The following GULP1 variants were observed in gnomAD, a reference collection of about 807,000 sequenced individuals.
GULP1 encodes PTB domain-containing engulfment adapter protein 1.
In GULP1, 19 loss-of-function variants were observed where a neutral mutation model predicts 40.9. The observed-to-expected ratio is 0.46, with a 90% CI of 0.32 to 0.68. GULP1 has a LOEUF of 0.68. Among genes scored for constraint, GULP1 ranks in the 30% least tolerant of loss-of-function variants. GULP1 has a pLI of 0.03. For synonymous variants in GULP1, 119 were observed against 117.6 expected, an observed-to-expected ratio of 1.01 and a Z score of -0.08; for missense variants, 312 against 362.2, an observed-to-expected ratio of 0.86 and a Z score of 1.12.
chr2:188,530,790 T>C (rs922119114), intron 6 of GULP1, among the ~76,000 whole-genome samples: 1 of 152,166 alleles, frequency 6.6e-6, no homozygotes, highest in Non-Finnish European at 1.5e-5. Context: ...ACAAACACAG[T>C]ACTTTATTCA....
At chr2:188,507,116 G>GA (rs2063992860) in intron 4 of GULP1, among the ~76,000 whole-genome samples, 1 of 151,922 alleles carries the variant, frequency 6.6e-6, no homozygotes, top group Non-Finnish European at 1.5e-5. Context: ...ATTGACAGAT[G>GA]GGGTTCTAGT....
chr2:188,502,447 C>G (rs904141772), intron 4 of GULP1, among the ~76,000 whole-genome samples: 1 of 151,830 alleles, frequency 6.6e-6, no homozygotes, highest in African/African-American at 2.4e-5. Context: ...CATTTTCCCT[C>G]TAAAGTAATG....
intron 1 of GULP1, among the ~76,000 whole-genome samples, chr2:188,295,156 A>C (rs1321613948): frequency 6.6e-6 from 1 of 152,192 alleles, no homozygotes. Flanking sequence ...CTTTATGAGA[A>C]GTTACCAAGT....
At chr2:188,581,938 T>C (rs534288778) in intron 9 of GULP1, among the ~76,000 whole-genome samples, 1 of 152,160 alleles carries the variant, frequency 6.6e-6, no homozygotes, top group Non-Finnish European at 1.5e-5. Context: ...ACCATAACTT[T>C]ATGTACAAGA....
At chr2:188,433,008 G>GACA (rs1163817340) in intron 2 of GULP1, among the ~76,000 whole-genome samples, 1 of 152,020 alleles carries the variant, frequency 6.6e-6, no homozygotes, top group Non-Finnish European at 1.5e-5. Flanking sequence ...CCAAAGAATG[G>GACA]GTTTTATCTT....
intron 7 of GULP1, among the ~76,000 whole-genome samples, chr2:188,567,076 A>G (rs983517520): frequency 2.0e-5 from 3 of 152,124 alleles, no homozygotes; most frequent in Admixed American, 6.5e-5. Flanking sequence ...CAAAACCACA[A>G]TGAGGTACCA....
At chr2:188,525,996 C>A (rs75917025) in intron 5 of GULP1, among the ~76,000 whole-genome samples, 1 of 151,812 alleles carries the variant, frequency 6.6e-6, no homozygotes, top group Non-Finnish European at 1.5e-5. Context: ...AAATAATAGG[C>A]CCGAAGTAGT....
At chr2:188,385,872 T>C (rs1464202849) in intron 2 of GULP1, among the ~76,000 whole-genome samples, 1 of 152,148 alleles carries the variant, frequency 6.6e-6, no homozygotes, top group African/African-American at 2.4e-5. Flanking sequence ...CTGGATGTCA[T>C]TGTCCATATC....
intron 1 of GULP1, among the ~76,000 whole-genome samples, chr2:188,367,664 G>A (rs1044709190): frequency 5.3e-5 from 8 of 152,104 alleles, no homozygotes; most frequent in Non-Finnish European, 1.2e-4. Context: ...AGATAGAAAC[G>A]GTTACATACT....
At chr2:188,564,677 T>C (rs1697212755) in intron 7 of GULP1, among the ~76,000 whole-genome samples, 1 of 151,926 alleles carries the variant, frequency 6.6e-6, no homozygotes, top group Admixed American at 6.6e-5. Context: ...ACAATTCTGA[T>C]TAAAATCACA....
At chr2:188,502,431 A>G (rs945571521) in intron 4 of GULP1, among the ~76,000 whole-genome samples, 1 of 151,896 alleles carries the variant, frequency 6.6e-6, no homozygotes, top group South Asian at 2.1e-4. Context: ...TATAGAGTAA[A>G]TTATTCATTT....
chr2:188,575,124 A>T (rs1699910641), intron 9 of GULP1, among the ~76,000 whole-genome samples: 1 of 152,176 alleles, frequency 6.6e-6, no homozygotes, highest in South Asian at 2.1e-4. Context: ...AGTTCCCTCA[A>T]GGTTTTATGG....
chr2:188,376,774 CTATGTTGACA>C (rs994692145), intron 1 of GULP1, among the ~76,000 whole-genome samples: 2 of 152,128 alleles, frequency 1.3e-5, no homozygotes, highest in Non-Finnish European at 2.9e-5. Flanking sequence ...TGGTGGAAGT[CTATGTTGACA>C]TATCTTTCCA....
At chr2:188,495,092 GGATCT>G (rs1377992364) in intron 4 of GULP1, among the ~76,000 whole-genome samples, 2 of 151,996 alleles carry the variant, frequency 1.3e-5, no homozygotes, top group Non-Finnish European at 2.9e-5. Flanking sequence ...CTAGATCAAA[GGATCT>G]TGGGAGGTAA....
At chr2:188,474,006 G>A (rs1454166578) in intron 2 of GULP1, among the ~76,000 whole-genome samples, 3 of 152,144 alleles carry the variant, frequency 2.0e-5, no homozygotes, top group African/African-American at 7.2e-5. Flanking sequence ...AAGGCTACTA[G>A]TACTGAGTTT....
chr2:188,430,700 C>G (rs770254449), intron 2 of GULP1, among the ~76,000 whole-genome samples: 1 of 152,220 alleles, frequency 6.6e-6, no homozygotes, highest in Admixed American at 6.5e-5. Flanking sequence ...ACTAGAACCT[C>G]TTTTCCTCCA....
At chr2:188,428,867 G>T (rs929801035) in intron 2 of GULP1, among the ~76,000 whole-genome samples, 2 of 150,810 alleles carry the variant, frequency 1.3e-5, no homozygotes, top group African/African-American at 4.9e-5. Context: ...TAGCTCTAAG[G>T]ACTTTAAAAA....
chr2:188,580,697 C>T (rs969534572), intron 9 of GULP1, among the ~76,000 whole-genome samples: 2 of 152,194 alleles, frequency 1.3e-5, no homozygotes, highest in Non-Finnish European at 2.9e-5. Context: ...TAATCTCTCA[C>T]TTTACATGGC....
intron 2 of GULP1, among the ~76,000 whole-genome samples, chr2:188,450,057 A>G (rs1286179732): frequency 6.6e-6 from 1 of 152,146 alleles, no homozygotes; most frequent in African/African-American, 2.4e-5. Flanking sequence ...ATGCAAATTG[A>G]TGGTTATCTA....
Sources: allele counts gnomAD v4.1 joint callset (sites outside exome capture counted in the v4.1 genomes callset), GRCh38; gene constraint gnomAD v4.1.1; transcripts MANE v1.5; gene names NCBI Gene and HGNC (gene_info 2026-07-23, HGNC 2026-07-21).